The following CTSZ variants were observed in gnomAD, a reference collection of about 807,000 sequenced individuals.
The protein encoded by CTSZ is carboxypeptidase LB.
A neutral mutation model predicts 32.4 loss-of-function variants in CTSZ; 39 were observed. That is an observed-to-expected ratio of 1.20 (90% CI 0.93 to 1.57). The LOEUF (loss-of-function observed/expected upper bound fraction) is 1.57. CTSZ is among the 40% of genes most tolerant of loss of function. CTSZ has a pLI of 0.00. For synonymous variants in CTSZ, 168 were observed against 170.1 expected (o/e 0.99, Z 0.10); for missense variants, 397 against 419.6 (o/e 0.95, Z 0.47).
At chr20:59,005,316 G>T (rs2091904841) in intron 2 of CTSZ, among the ~76,000 whole-genome samples, 1 of 152,158 alleles carries the variant, frequency 6.6e-6, no homozygotes, top group Admixed American at 6.5e-5. Flanking sequence ...GAGCCCATCA[G>T]ACATCCTGGC....
chr20:58,997,603 C>T lies in CTSZ; in HGVS notation c.638G>A (p.Ser213Asn). Residue 213 changes from serine to asparagine, a missense_variant and splice_region_variant, in exon 4 of 6, where the codon AGC (serine) becomes AAC (asparagine). Ser to Asn is a conservative substitution (Grantham distance 46, BLOSUM62 1). Transcript: ENST00000217131. Reference protein sequence around the residue: ...MAEIYANGPISCGIMATERLA... With the variant: ...MAEIYANGPINCGIMATERLA... ...CTTTGCCCGCGGGACCTCTCCTCAC[C>T]TGATGGGACCATTTGCATAGATTTC... 6.3e-7 allele frequency: 1 copy of T among 1,584,576 alleles called. No homozygotes were observed.
rs1039430565 is a variant in CTSZ, at chr20:58,995,535, A to G, written c.*114T>C. 3.7e-5 allele frequency: 33 copies of G among 901,982 alleles called. No individual in the cohort carries two copies. In the African/African-American group the frequency reaches 3.8e-4, roughly 10 times the overall value. The allele number at this position is 901,982 out of a possible 1,614,324, so 55.9% of individuals were successfully genotyped here. A position where few individuals can be genotyped will look rare whatever the true frequency, so the allele number is the denominator to read the frequency against. On this transcript the variant is annotated 3_prime_UTR_variant, in exon 6 of 6. Transcript: ENST00000217131. ...AGTGCCACGCTGTCCTCGCCATCCAATATTGATAGCCACCCCAGTTCCTGC... is the reference window on the plus strand; with the variant it reads ...AGTGCCACGCTGTCCTCGCCATCCAGTATTGATAGCCACCCCAGTTCCTGC...
chr20:58,995,592 C>T lies in CTSZ; in HGVS notation c.*57G>A. On this transcript the variant is annotated 3_prime_UTR_variant, in exon 6 of 6. Transcript: ENST00000217131. Reference sequence around the variant, plus strand: ...GCCTGGCACACATAACCATAGGATCCCCTCTGGTCATGGGTCACCATGCCT... The same window carrying T: ...GCCTGGCACACATAACCATAGGATCTCCTCTGGTCATGGGTCACCATGCCT... 2.0e-6 allele frequency: 3 copies of T among 1,476,268 alleles called. No individual in the cohort carries two copies. The highest frequency in any genetic ancestry group is 2.8e-6 in the Non-Finnish European group (3 of 1,056,146). The allele number at this position is 1,476,268 out of a possible 1,614,324, so 91.4% of individuals were successfully genotyped here. A position where few individuals can be genotyped will look rare whatever the true frequency, so the allele number is the denominator to read the frequency against.
chr20:58,995,858 C>T (rs764585799), intron 5 of CTSZ, 99 bp from the exon 6 acceptor site: 14 of 1,052,256 alleles, frequency 1.3e-5, no homozygotes, highest in Middle Eastern at 2.7e-4. Context: ...CTCCATCTCT[C>T]AGGCCAGCCT....
chr20:59,003,551 G>A (rs1350218671), intron 2 of CTSZ, among the ~76,000 whole-genome samples: 1 of 152,232 alleles, frequency 6.6e-6, no homozygotes, highest in Non-Finnish European at 1.5e-5. Flanking sequence ...GTCGGGACAT[G>A]ACCCCACAGT....
intron 2 of CTSZ, among the ~76,000 whole-genome samples, chr20:59,003,883 A>G (rs1050629247): frequency 1.8e-4 from 28 of 152,300 alleles, no homozygotes; most frequent in Admixed American, 1.8e-3. Flanking sequence ...GAGGGTTTCA[A>G]GCCAAAGAAC....
intron 5 of CTSZ, 52 bp downstream of exon 5, chr20:58,996,587 T>G: frequency 2.5e-6 from 4 of 1,580,706 alleles, no homozygotes; most frequent in Non-Finnish European, 3.5e-6. Flanking sequence ...GCGAGAGGAG[T>G]ACCAGGACGT....
chr20:58,999,886 A>G (rs1420076999), intron 3 of CTSZ, among the ~76,000 whole-genome samples: 2 of 151,932 alleles, frequency 1.3e-5, no homozygotes, highest in Non-Finnish European at 2.9e-5. Flanking sequence ...TGGTTAACAC[A>G]GTGAAATCCC....
At chr20:58,999,888 T>C (rs1359729726) in intron 3 of CTSZ, among the ~76,000 whole-genome samples, 1 of 150,872 alleles carries the variant, frequency 6.6e-6, no homozygotes, top group Non-Finnish European at 1.5e-5. Context: ...GTTAACACAG[T>C]GAAATCCCGC....
intron 2 of CTSZ, 140 bp from the exon 3 acceptor site, chr20:59,001,784 T>C: frequency 1.2e-6 from 1 of 806,156 alleles, no homozygotes; most frequent in African/African-American, 1.7e-5. Context: ...TGTGTCTCCT[T>C]CTCCCTGCTG....
intron 1 of CTSZ, 80 bp downstream of exon 1, chr20:59,006,905 GC>G: frequency 3.3e-6 from 4 of 1,210,398 alleles, no homozygotes; most frequent in Non-Finnish European, 3.2e-6. Flanking sequence ...GCGACGCAGG[GC>G]CCCCAGGAGG....
Position 58,995,319 on chromosome 20 carries a change from G to T in CTSZ, c.*330C>A. ...GTCTGAACTCTTTCACCTCTTAAAT[G>T]CCATATTATTGCCCACAGTTGCCAA... On this transcript the variant is annotated 3_prime_UTR_variant, in exon 6 of 6. Coordinates refer to ENST00000217131, the MANE Select transcript of CTSZ (RefSeq NM_001336.4). The T allele has an allele frequency of 6.8e-6, 1 of 147,606 alleles. No individual in the cohort carries two copies. The highest frequency in any genetic ancestry group is 1.4e-5 in the Non-Finnish European group (1 of 74,060). 9.1% of individuals were successfully genotyped at this position (147,606 alleles called of 1,614,324 possible).
chr20:58,997,327 G>T, intron 4 of CTSZ: 1 of 313,590 alleles, frequency 3.2e-6, no homozygotes, highest in Non-Finnish European at 5.8e-6. Flanking sequence ...TCCGCATTCC[G>T]CACAACCATC....
At chr20:58,996,451 G>A (rs985888696) in intron 5 of CTSZ, 188 bp downstream of exon 5, 14 of 616,884 alleles carry the variant, frequency 2.3e-5, no homozygotes, top group South Asian at 5.6e-5. Flanking sequence ...ACAGGATGGC[G>A]GCAGCCGCGC....
intron 3 of CTSZ, among the ~76,000 whole-genome samples, chr20:58,998,431 C>T (rs1168118703): frequency 6.6e-6 from 1 of 151,878 alleles, no homozygotes; most frequent in African/African-American, 2.4e-5. Flanking sequence ...GTAATCCCAG[C>T]TACTCAGTGG....
At chr20:59,006,259 G>A in intron 2 of CTSZ, 63 bp downstream of exon 2, 2 of 1,511,914 alleles carry the variant, frequency 1.3e-6, no homozygotes, top group Non-Finnish European at 1.8e-6. Flanking sequence ...TGAGCTGCCT[G>A]GGCCTATAAA....
chr20:58,995,549 C>G lies in CTSZ; in HGVS notation c.*100G>C. The G allele has an allele frequency of 9.3e-7, 1 of 1,073,062 alleles. No individual in the cohort carries two copies. Among genetic ancestry groups the G allele is most frequent in the Admixed American group, 1.9e-5 (1 of 53,034 alleles). The allele number at this position is 1,073,062 out of a possible 1,614,324, so 66.5% of individuals were successfully genotyped here. The stretch of plus-strand genomic sequence containing the variant: ...CTCGCCATCCAATATTGATAGCCAC[C>G]CCAGTTCCTGCCAGCCAGCCTGGCA... On this transcript the variant is annotated 3_prime_UTR_variant, in exon 6 of 6. Transcript: ENST00000217131.
chr20:59,006,080 G>A (rs1368512738), intron 2 of CTSZ: 12 of 528,052 alleles, frequency 2.3e-5, no homozygotes, highest in Non-Finnish European at 3.3e-5. Context: ...AGGGCACCTG[G>A]CAGCCACTTG....
chr20:59,003,096 A>C (rs574436970), intron 2 of CTSZ, among the ~76,000 whole-genome samples: 1 of 152,334 alleles, frequency 6.6e-6, no homozygotes, highest in African/African-American at 2.4e-5. Flanking sequence ...CTCCGGCAGC[A>C]GTCAGCACAG....
Sources: allele counts gnomAD v4.1 joint callset (sites outside exome capture counted in the v4.1 genomes callset), GRCh38; gene constraint gnomAD v4.1.1; transcripts MANE v1.5; gene names NCBI Gene and HGNC (gene_info 2026-07-23, HGNC 2026-07-21).